Variants in CTBP2 observed in about 807,000 individuals in gnomAD.
CTBP2 encodes C-terminal-binding protein 2.
A neutral mutation model predicts 80.3 loss-of-function variants in CTBP2; 30 were observed. The observed-to-expected ratio is 0.37, with a 90% CI of 0.28 to 0.51. The LOEUF is 0.51. Among genes scored for constraint, CTBP2 ranks in the 20% least tolerant of loss-of-function variants. CTBP2 has a pLI of 0.93. For missense variants in CTBP2, 1,212 were observed against 1,375.3 expected (o/e 0.88, Z 1.88); for synonymous variants, 594 against 587.4 (o/e 1.01, Z -0.16).
At chr10:125,022,538 A>C (rs3781418) in intron 1 of CTBP2, among the ~76,000 whole-genome samples, 24,806 of 152,250 alleles carry the variant, frequency 0.16, 2,571 homozygotes, top group African/African-American at 0.29. Context: ...TGAGGAAGGA[A>C]GGAAGAAGTG....
intron 2 of CTBP2, among the ~76,000 whole-genome samples, chr10:125,103,012 T>C (rs1382853517): frequency 1.3e-5 from 2 of 152,212 alleles, no homozygotes; most frequent in Non-Finnish European, 2.9e-5. Context: ...TGCATGGGTT[T>C]AGACTCCCCG....
intron 1 of CTBP2, among the ~76,000 whole-genome samples, chr10:125,150,403 G>C (rs1859612034): frequency 1.3e-5 from 2 of 152,192 alleles, no homozygotes; most frequent in Non-Finnish European, 2.9e-5. Context: ...GGGTGGTGCT[G>C]CATCAGAGAC....
Position 125,010,635 on chromosome 10 carries a change from A to G in CTBP2, c.1679-7143T>C, listed in dbSNP as rs74163304. 5.8e-3 allele frequency among the ~76,000 whole-genome samples: 883 copies of G among 152,314 alleles called. 12 individuals carry two copies. Among genetic ancestry groups the G allele is most frequent in the African/African-American group, 0.02 (835 of 41,564 alleles). On this transcript the variant is annotated intron_variant, in intron 1 of 8. Transcript: ENST00000309035. ...CCTCAGCCCTGGAGTGGCATCACAC[A>G]CACCAAGCTGTTGAAGACCTGGCCC...
chr10:125,044,807 G>A (rs575476075), intron 2 of CTBP2, among the ~76,000 whole-genome samples: 4 of 152,266 alleles, frequency 2.6e-5, no homozygotes, highest in East Asian at 1.9e-4. Context: ...CAAAATAAAC[G>A]TCCTAAAGGA....
At chr10:125,036,340 G>A (rs1022378233) in intron 3 of CTBP2, among the ~76,000 whole-genome samples, 6 of 152,098 alleles carry the variant, frequency 3.9e-5, no homozygotes, top group South Asian at 2.1e-4. Flanking sequence ...AGGGACCCAC[G>A]ACCAGGGCTT....
intron 4 of CTBP2, chr10:124,997,506 T>C (rs1953783682): frequency 5.8e-6 from 1 of 171,098 alleles, no homozygotes; most frequent in African/African-American, 2.4e-5. Context: ...GGCCTGACTG[T>C]GCCACCCCAA....
At chr10:125,098,726 G>A (rs868092764) in intron 2 of CTBP2, among the ~76,000 whole-genome samples, 7 of 117,866 alleles carry the variant, frequency 5.9e-5, no homozygotes, top group Non-Finnish European at 7.2e-5. Flanking sequence ...GAGAGAGACA[G>A]AGAGAGAGAG....
chr10:125,154,691 A>G (rs1860611893), intron 1 of CTBP2, among the ~76,000 whole-genome samples: 1 of 152,214 alleles, frequency 6.6e-6, no homozygotes, highest in South Asian at 2.1e-4. Context: ...ACAATGGTTA[A>G]TGATCTACAT....
At chr10:125,102,439 T>C (rs779727675) in intron 2 of CTBP2, among the ~76,000 whole-genome samples, 3 of 152,244 alleles carry the variant, frequency 2.0e-5, no homozygotes, top group Non-Finnish European at 4.4e-5. Context: ...CAATCTGCTC[T>C]GTTTAAACAC....
intron 1 of CTBP2, among the ~76,000 whole-genome samples, chr10:125,157,989 C>T (rs1044982054): frequency 6.6e-6 from 1 of 152,052 alleles, no homozygotes; most frequent in Non-Finnish European, 1.5e-5. Flanking sequence ...ACAGTCTCTG[C>T]TAAAGAAAAA....
At chr10:125,125,900 C>T (rs1324045266) in intron 1 of CTBP2, among the ~76,000 whole-genome samples, 3 of 152,220 alleles carry the variant, frequency 2.0e-5, no homozygotes, top group Non-Finnish European at 2.9e-5. Context: ...AGTCGGTCCC[C>T]GGATCCCCAA....
At chr10:125,044,636 C>T (rs1271273897) in intron 2 of CTBP2, among the ~76,000 whole-genome samples, 4 of 152,188 alleles carry the variant, frequency 2.6e-5, no homozygotes, top group African/African-American at 7.2e-5. Context: ...GGCACAGTGG[C>T]GTGTGCCTCT....
rs1468255735 is a variant in CTBP2 at position 124,985,823 on chromosome 10, G to C, written c.*3695C>G. 6.6e-6 allele frequency: 1 copy of C among 152,316 alleles called. No individual in the cohort carries two copies. The highest frequency in any genetic ancestry group is 2.1e-4 in the South Asian group (1 of 4,828). 9.4% of individuals were successfully genotyped at this position (152,316 alleles called of 1,614,324 possible). A position where few individuals can be genotyped will look rare whatever the true frequency, so the allele number is the denominator to read the frequency against. ...CCACTTGTCACTAAATGAATTGTGT[G>C]AAATGTGCTCACTTGGACTCCATCA... On this transcript the variant is annotated 3_prime_UTR_variant, in exon 9 of 9. Transcript: ENST00000309035.
chr10:125,034,540 ATATAAT>A (rs924528386), intron 3 of CTBP2, among the ~76,000 whole-genome samples: 6 of 152,368 alleles, frequency 3.9e-5, no homozygotes, highest in South Asian at 4.1e-4. Context: ...TGATCCCAAC[ATATAAT>A]TATAATGTAT....
rs1163560470 is a variant in CTBP2 at position 124,986,037 on chromosome 10, A to G, written c.*3481T>C. On this transcript the variant is annotated 3_prime_UTR_variant, in exon 9 of 9. Coordinates refer to ENST00000309035, the MANE Select transcript of CTBP2 (RefSeq NM_022802.3). ...AAATGCATTGTATGAAGAATTTCTC[A>G]GTGTTTAGTCTGAGAATTTTTGCAT... is the stretch of plus-strand genomic sequence containing the variant. 6.6e-6 allele frequency: 1 copy of G among 152,600 alleles called. No individual in the cohort carries two copies. The highest frequency in any genetic ancestry group is 1.5e-5 in the Non-Finnish European group (1 of 68,038). 9.5% of individuals were successfully genotyped at this position (152,600 alleles called of 1,614,324 possible).
intron 2 of CTBP2, 30 bp from the exon 5 acceptor site, chr10:125,003,134 C>T (rs930382544): frequency 2.5e-6 from 4 of 1,612,564 alleles, no homozygotes; most frequent in Non-Finnish European, 3.4e-6. Flanking sequence ...AGGGTCGGAG[C>T]CCCACCCCGT....
At chr10:125,007,207 A>C (rs897741851) in intron 1 of CTBP2, among the ~76,000 whole-genome samples, 16 of 152,242 alleles carry the variant, frequency 1.1e-4, no homozygotes, top group African/African-American at 3.9e-4. Context: ...CAGCTTGCCC[A>C]CATTAACTGT....
At chr10:125,044,363 C>T (rs3012063) in intron 2 of CTBP2, among the ~76,000 whole-genome samples, 25,295 of 142,308 alleles carry the variant, frequency 0.18, 2,843 homozygotes, top group African/African-American at 0.32. Flanking sequence ...TCTGCAGATA[C>T]GGTGCCAGTT....
Position 125,105,152 on chromosome 10 carries a change from A to T in CTBP2, c.-102+5838T>A, listed in dbSNP as rs576637658. Among the ~76,000 whole-genome samples the T allele has an allele frequency of 9.7e-4, 147 of 151,996 alleles. 2 individuals are homozygous for T. Among genetic ancestry groups the T allele is most frequent in the African/African-American group, 3.5e-3 (143 of 41,436 alleles). ...AGGCGCCGCCACCTGGCCGAGTTTT[A>T]AAAACATTTTCTGGAGATGGGGTCT... is the stretch of plus-strand genomic sequence containing the variant. On this transcript the variant is annotated intron_variant, in intron 2 of 10. Transcript: ENST00000337195.
Sources: allele counts gnomAD v4.1 joint callset (sites outside exome capture counted in the v4.1 genomes callset), GRCh38; gene constraint gnomAD v4.1.1; transcripts MANE v1.5; gene names NCBI Gene and HGNC (gene_info 2026-07-23, HGNC 2026-07-21).